AHCTF1: variants seen among roughly 807,000 people sequenced by gnomAD.
AHCTF1 encodes the protein AT-hook containing transcription factor 1.
Under a neutral mutation model 248.4 loss-of-function variants are expected in AHCTF1, and 24 were observed. The ratio of observed to expected loss-of-function variants is 0.10; its 90% CI spans 0.07 to 0.14. AHCTF1 has a LOEUF of 0.14. AHCTF1 is among the 10% of genes least tolerant of loss of function. The pLI is 1.00. For synonymous variants in AHCTF1, 786 were observed against 929.8 expected (o/e 0.85, Z 2.81); for missense variants, 2,206 against 2,636.2 (o/e 0.84, Z 3.57).
At chr1:246,895,592 G>A (rs1664516454) in intron 13 of AHCTF1, among the ~76,000 whole-genome samples, 1 of 152,080 alleles carries the variant, frequency 6.6e-6, no homozygotes, top group Admixed American at 6.5e-5. Flanking sequence ...GCAGAAAGAA[G>A]GTAGGTATGG....
At chr1:246,905,373 C>CT (rs2103186975) in intron 6 of AHCTF1, among the ~76,000 whole-genome samples, 168 bp downstream of exon 6, 1 of 152,254 alleles carries the variant, frequency 6.6e-6, no homozygotes, top group Admixed American at 6.5e-5. Context: ...TGACAGGCAC[C>CT]TGTAGTCCCA....
At chr1:246,882,391 A>G (rs1663510725) in intron 21 of AHCTF1, among the ~76,000 whole-genome samples, 1 of 152,200 alleles carries the variant, frequency 6.6e-6, no homozygotes, top group Non-Finnish European at 1.5e-5. Context: ...TTTAGAAACC[A>G]ACAACACAAT....
At chr1:246,848,606 C>T (rs570194416) in intron 33 of AHCTF1, among the ~76,000 whole-genome samples, 63 of 151,906 alleles carry the variant, frequency 4.1e-4, no homozygotes, top group Admixed American at 3.9e-4. Context: ...TGGCTCACGC[C>T]TGTAATCCCA....
Position 246,898,355 on chromosome 1 carries a change from T to C in AHCTF1, c.1495-19A>G. ...TCAAAGTCTGTAACAGATAAATTAG[T>C]AAGGCATCAATCAATGCTCAATTTG... On this transcript the variant is annotated intron_variant, in intron 11 of 35. Coordinates refer to ENST00000648844, the MANE Select transcript of AHCTF1 (RefSeq NM_001323342.2). 7 of 1,603,556 alleles carry C rather than the reference T, an allele frequency of 4.4e-6. No individual in the cohort carries two copies. Among genetic ancestry groups the C allele is most frequent in the Non-Finnish European group, 6.0e-6 (7 of 1,174,688 alleles).
chr1:246,898,463 T>C (rs751094813), intron 11 of AHCTF1, 127 bp from the exon 12 acceptor site: 11 of 1,035,664 alleles, frequency 1.1e-5, no homozygotes, highest in Middle Eastern at 3.2e-4. Context: ...TGAAAGACTA[T>C]ATTTCCTGCA....
chr1:246,895,948 G>C, intron 12 of AHCTF1, 23 bp from the exon 13 acceptor site: 1 of 1,571,066 alleles, frequency 6.4e-7, no homozygotes, highest in Non-Finnish European at 8.7e-7. Flanking sequence ...TTACAGAAAG[G>C]AAAGAAATGG....
At chr1:246,905,490 C>G (rs779243360) in intron 6 of AHCTF1, 51 bp downstream of exon 6, 1 of 1,457,982 alleles carries the variant, frequency 6.9e-7, no homozygotes, top group Non-Finnish European at 9.6e-7. Flanking sequence ...GAGCGAGACT[C>G]TGTCTCCAAA....
chr1:246,865,211 A>G (rs1385256770), intron 26 of AHCTF1: 1 of 152,174 alleles, frequency 6.6e-6, no homozygotes, highest in Non-Finnish European at 1.5e-5. Flanking sequence ...CCTAGTGGTA[A>G]AAACAATCCC....
At chr1:246,853,003 A>C in intron 32 of AHCTF1, 88 bp downstream of exon 32, 2 of 913,998 alleles carry the variant, frequency 2.2e-6, no homozygotes, top group Non-Finnish European at 3.3e-6. Flanking sequence ...CAAATAAATG[A>C]ACGTGTTAGA....
At chr1:246,846,345 G>A (rs560836134) in intron 33 of AHCTF1, among the ~76,000 whole-genome samples, 5 of 151,964 alleles carry the variant, frequency 3.3e-5, no homozygotes, top group African/African-American at 1.2e-4. Context: ...AGAAAGTATG[G>A]TAACAGTATA....
chr1:246,899,301 C>A, intron 11 of AHCTF1, 150 bp downstream of exon 11: 1 of 558,388 alleles, frequency 1.8e-6, no homozygotes. Context: ...GTAACTGATA[C>A]TACTAGTTGA....
intron 21 of AHCTF1, among the ~76,000 whole-genome samples, chr1:246,881,551 G>A (rs1284420187): frequency 1.3e-5 from 2 of 151,960 alleles, no homozygotes; most frequent in Non-Finnish European, 2.9e-5. Context: ...ATAGAAGCAG[G>A]GTCAGCTGGG....
chr1:246,923,258 T>C (rs537700397), intron 1 of AHCTF1, among the ~76,000 whole-genome samples: 1 of 150,710 alleles, frequency 6.6e-6, no homozygotes, highest in East Asian at 2.0e-4. Context: ...TTACTAAAAA[T>C]ACAAAAATTA....
At chr1:246,930,972 G>A (rs1000166306) in intron 1 of AHCTF1, among the ~76,000 whole-genome samples, 1 of 152,126 alleles carries the variant, frequency 6.6e-6, no homozygotes, top group African/African-American at 2.4e-5. Context: ...TCAACCAGTG[G>A]CAAAAGAAAC....
chr1:246,850,348 T>G lies in AHCTF1; in HGVS notation c.5658A>C (p.Glu1886Asp). ...KRSVENQESV[E>D]IINDLKVSTV... ...TACTAACTTTTAGATCATTTATAAT[T>G]TCAACACTTTCCTGATTTTCTACAG... Residue 1886 changes from glutamate (E) to aspartate (D), a missense_variant, in exon 33 of 36, where the codon GAA becomes GAC. Coordinates refer to ENST00000648844, the MANE Select transcript of AHCTF1 (RefSeq NM_001323342.2). 1.2e-6 allele frequency: 2 copies of G among 1,613,218 alleles called. No individual in the cohort carries two copies. Among genetic ancestry groups the G allele is most frequent in the Non-Finnish European group, 1.7e-6 (2 of 1,179,708 alleles).
chr1:246,900,005 T>G, intron 10 of AHCTF1, 60 bp downstream of exon 10: 3 of 1,466,804 alleles, frequency 2.0e-6, no homozygotes, highest in Non-Finnish European at 2.8e-6. Context: ...ACACAACGTA[T>G]ACATTTACAT....
chr1:246,918,263 T>C lies in AHCTF1; in HGVS notation c.108A>G (p.Gly36=). 4.4e-6 allele frequency: 7 copies of C among 1,607,110 alleles called. No homozygotes were observed. Among genetic ancestry groups the C allele is most frequent in the Non-Finnish European group, 5.9e-6 (7 of 1,177,520 alleles). ...DEITLESVLR[G]KFAAGKNGLA... is the part of the protein sequence containing the mutation. ...CATTATGTTTACCTGCAGCAAACTT[T>C]CCACGAAGCACAGATTCTAATGTTA... is the stretch of plus-strand genomic sequence containing the variant. The change falls in exon 2 of 36, where the codon GGA becomes GGG. Residue 36 remains glycine, a synonymous_variant. Transcript: ENST00000648844.
In AHCTF1 at chr1:246,839,240, G is replaced by A. The variant is rs1659667147; in HGVS notation, c.*1566C>T. On this transcript the variant is annotated 3_prime_UTR_variant, in exon 36 of 36. Transcript: ENST00000648844. ...TACATTCACGGAGGGGGGAAAAAAA[G>A]TACACTTATTAAAAACAGGTACCAC... is the stretch of plus-strand genomic sequence containing the variant. The A allele has an allele frequency of 6.6e-6, 1 of 152,086 alleles. No homozygotes were observed. Among genetic ancestry groups the A allele is most frequent in the African/African-American group, 2.4e-5 (1 of 41,416 alleles). 9.4% of individuals were successfully genotyped at this position (152,086 alleles called of 1,614,324 possible). A position where few individuals can be genotyped will look rare whatever the true frequency, so the allele number is the denominator to read the frequency against.
chr1:246,861,989 T>A lies in AHCTF1; in HGVS notation c.3705A>T (p.Glu1235Asp), dbSNP rs753530062. The A allele has an allele frequency of 6.2e-7, 1 of 1,612,210 alleles. No individual in the cohort carries two copies. Reference sequence around the variant, plus strand: ...GAATCCATTTTGGGTGGACATCTTCTTCCACAAATGAAATTCTAGTTTCTT... The same window carrying A: ...GAATCCATTTTGGGTGGACATCTTCATCCACAAATGAAATTCTAGTTTCTT... ...RLKETRISFV[E>D]EDVHPKWIPG... The change falls in exon 28 of 36, where the codon GAA becomes GAT. Residue 1235 changes from glutamate to aspartate, a missense_variant. By Grantham distance (45) the Glu-to-Asp change is conservative. Transcript: ENST00000648844.
Sources: gnomAD v4.1 joint callset for allele counts (sites outside exome capture counted in the v4.1 genomes callset) on GRCh38, gnomAD v4.1.1 for gene constraint, MANE v1.5 for transcripts, NCBI Gene and HGNC (gene_info 2026-07-23, HGNC 2026-07-21) for gene names.